Variants in MLLT1 observed in about 807,000 individuals in gnomAD.
MLLT1 encodes the protein MLLT1 super elongation complex subunit, also known as protein ENL.
In MLLT1, 11 loss-of-function variants were observed where a neutral mutation model predicts 55.1. The observed-to-expected ratio is 0.20, with a 90% CI of 0.13 to 0.33. MLLT1 has a LOEUF of 0.33. Ranked by LOEUF, MLLT1 falls within the 10% of genes least tolerant of loss-of-function variation. The pLI, the probability that MLLT1 is intolerant of heterozygous loss-of-function variation, is 1.00. For synonymous variants in MLLT1, 323 were observed against 320.1 expected (o/e 1.01, Z -0.10); for missense variants, 536 against 760.6 (o/e 0.70, Z 3.47).
At position 6,225,385 on chromosome 19, in the gene MLLT1, G is replaced by A. The variant is rs139498063; in HGVS notation, c.546+1592C>T. On this transcript the variant is annotated intron_variant, in intron 5 of 11. Coordinates refer to ENST00000252674, the MANE Select transcript of MLLT1 (RefSeq NM_005934.4). ...CCCCTCTGCTTGGAGCACATGGCCC[G>A]GCCACTCACTCTCCAGGCAGAGAGC... Among the ~76,000 whole-genome samples the A allele has an allele frequency of 4.1e-4, 63 of 152,268 alleles. 1 individual carries two copies. The East Asian group carries it at 0.011, about 27-fold the overall frequency.
In MLLT1 at chr19:6,270,637, C is replaced by T. The variant is rs763302357; in HGVS notation, c.135G>A (p.Gln45=). 3 of 1,614,176 alleles carry T rather than the reference C, an allele frequency of 1.9e-6. No homozygotes were observed. The highest frequency in any genetic ancestry group is 2.5e-6 in the Non-Finnish European group (3 of 1,180,028). Residue 45 remains glutamine (Q), a synonymous_variant, in exon 2 of 12, where the codon CAG becomes CAA. Transcript: ENST00000252674. This position sits in a 1 kb window ranked among gnomAD's most constrained non-coding sequence, Gnocchi z 7.1. ...AGAAGACCACCTTCTCCACGAAGTGCTGGATGTCACATTGCTCGGGGCCGC... is the reference window on the plus strand; with the variant it reads ...AGAAGACCACCTTCTCCACGAAGTGTTGGATGTCACATTGCTCGGGGCCGC... ...FVRGPEQCDI[Q]HFVEKVVFWL... is the part of the protein sequence containing the mutation.
rs2091048220 is a variant in MLLT1 at position 6,235,190 on chromosome 19, T to C, written c.277-4477A>G. Among the ~76,000 whole-genome samples, 1 of 152,198 alleles carries C rather than the reference T, an allele frequency of 6.6e-6. No homozygotes were observed. Among genetic ancestry groups the C allele is most frequent in the African/African-American group, 2.4e-5 (1 of 41,448 alleles). On this transcript the variant is annotated intron_variant, in intron 3 of 11. Transcript: ENST00000252674. This position sits in a 1 kb window ranked among gnomAD's most constrained non-coding sequence, Gnocchi z 5.5. Reference sequence around the variant, plus strand: ...GACGGCTACGAGGGGGTTTGTTGCATCTGCCTCTGTAAATGCTTCCAACTT... The same window carrying C: ...GACGGCTACGAGGGGGTTTGTTGCACCTGCCTCTGTAAATGCTTCCAACTT...
intron 2 of MLLT1, among the ~76,000 whole-genome samples, chr19:6,264,831 G>A (rs1450377132): frequency 1.4e-5 from 2 of 145,634 alleles, no homozygotes; most frequent in Non-Finnish European, 3.0e-5. Context: ...GGCGGTGGAG[G>A]TTGCAGTGAG....
intron 2 of MLLT1, among the ~76,000 whole-genome samples, chr19:6,268,706 C>T (rs926283139): frequency 2.0e-5 from 3 of 152,160 alleles, no homozygotes; most frequent in Non-Finnish European, 4.4e-5. Flanking sequence ...CCAGGCCCCA[C>T]AGACAGACAG....
chr19:6,222,825 A>G lies in MLLT1; in HGVS notation c.547-141T>C. 1 of 613,360 alleles carries G rather than the reference A, an allele frequency of 1.6e-6. No individual in the cohort carries two copies. 38.0% of individuals were successfully genotyped at this position (613,360 alleles called of 1,614,324 possible). ...AGCTAGAGAAACTCTTCCATAAAGCAAAAAGGTAAGGCAGTAGGTGAGAGT... is the reference window on the plus strand; with the variant it reads ...AGCTAGAGAAACTCTTCCATAAAGCGAAAAGGTAAGGCAGTAGGTGAGAGT... On this transcript the variant is annotated intron_variant, in intron 5 of 11. Transcript: ENST00000252674. This position sits in a 1 kb window ranked among gnomAD's most constrained non-coding sequence, Gnocchi z 4.1.
intron 7 of MLLT1, among the ~76,000 whole-genome samples, chr19:6,217,266 C>T (rs1366027382): frequency 6.6e-6 from 1 of 152,172 alleles, no homozygotes; most frequent in Admixed American, 6.5e-5. Context: ...CTCCCCCAGC[C>T]CCCCTGCAAA....
Position 6,230,799 on chromosome 19 carries a change from C to T in MLLT1, c.277-86G>A. On this transcript the variant is annotated intron_variant, in intron 3 of 11. Transcript: ENST00000252674. The surrounding 1 kb of genome is among the most constrained non-coding windows in gnomAD (Gnocchi z 9.0). The stretch of plus-strand genomic sequence containing the variant: ...TCCCCATTGGCCCTGGTCCTCCCCT[C>T]TCCCTCACTGGGCCTCTGTTCCCCT... The T allele has an allele frequency of 1.3e-6, 2 of 1,526,498 alleles. No individual in the cohort carries two copies. 94.6% of individuals were successfully genotyped at this position (1,526,498 alleles called of 1,614,324 possible).
rs979915586 is a variant in MLLT1 at position 6,256,614 on chromosome 19, C to T, written c.276+5614G>A. Among the ~76,000 whole-genome samples the T allele has an allele frequency of 3.3e-5, 5 of 151,786 alleles. No homozygotes were observed. Among genetic ancestry groups the T allele is most frequent in the East Asian group, 2.0e-4 (1 of 5,124 alleles). On this transcript the variant is annotated intron_variant, in intron 3 of 11. Transcript: ENST00000252674. This position sits in a 1 kb window ranked among gnomAD's most constrained non-coding sequence, Gnocchi z 4.1. Reference sequence around the variant, plus strand: ...CTACAAATACAAAAAATTAGCCAGGCGTGGTGGCGGGCACCTGTAGTCCCA... The same window carrying T: ...CTACAAATACAAAAAATTAGCCAGGTGTGGTGGCGGGCACCTGTAGTCCCA...
chr19:6,240,436 C>T lies in MLLT1; in HGVS notation c.277-9723G>A, dbSNP rs561804722. ...CAGCAGGTGACGCAGAGGGCGGGCT[C>T]CAAGCGGAGCTGGCACCCGGCGCAG... is the stretch of plus-strand genomic sequence containing the variant. On this transcript the variant is annotated intron_variant, in intron 3 of 11. Transcript: ENST00000252674. The surrounding 1 kb of genome is among the most constrained non-coding windows in gnomAD (Gnocchi z 4.7). Among the ~76,000 whole-genome samples the T allele has an allele frequency of 6.6e-6, 1 of 152,340 alleles. No homozygotes were observed. Among genetic ancestry groups the T allele is most frequent in the South Asian group, 2.1e-4 (1 of 4,826 alleles).
Position 6,211,476 on chromosome 19 carries a change from G to A in MLLT1, c.*1566C>T. On this transcript the variant is annotated 3_prime_UTR_variant, in exon 12 of 12. Coordinates refer to ENST00000252674, the MANE Select transcript of MLLT1 (RefSeq NM_005934.4). The surrounding 1 kb of genome is among the most constrained non-coding windows in gnomAD (Gnocchi z 4.6). ...AAGGAGTGTTCAGGATCTGCTGACAGAATCAGAGCAGGGACAAGATGAGGG... is the reference window on the plus strand; with the variant it reads ...AAGGAGTGTTCAGGATCTGCTGACAAAATCAGAGCAGGGACAAGATGAGGG... The A allele has an allele frequency of 2.2e-6, 1 of 446,988 alleles. No individual in the cohort carries two copies. Among genetic ancestry groups the A allele is most frequent in the Non-Finnish European group, 3.2e-6 (1 of 313,800 alleles). 27.7% of individuals were successfully genotyped at this position (446,988 alleles called of 1,614,324 possible). A position where few individuals can be genotyped will look rare whatever the true frequency, so the allele number is the denominator to read the frequency against.
Position 6,230,373 on chromosome 19 carries a change from G to A in MLLT1, c.420+197C>T, listed in dbSNP as rs887238399. On this transcript the variant is annotated intron_variant, in intron 4 of 11. Transcript: ENST00000252674. This position sits in a 1 kb window ranked among gnomAD's most constrained non-coding sequence, Gnocchi z 9.0. ...CCAGAAGCACAGGGTGACCAGCAAC[G>A]AGTCACCTGCAGCCACCACGCCCCG... is the stretch of plus-strand genomic sequence containing the variant. Among the ~76,000 whole-genome samples, 1 of 152,144 alleles carries A rather than the reference G, an allele frequency of 6.6e-6. No homozygotes were observed. Among genetic ancestry groups the A allele is most frequent in the South Asian group, 2.1e-4 (1 of 4,822 alleles).
At chr19:6,238,779 C>T (rs546995835) in intron 3 of MLLT1, among the ~76,000 whole-genome samples, 15 of 152,158 alleles carry the variant, frequency 9.9e-5, no homozygotes, top group East Asian at 1.9e-4. Flanking sequence ...GGGCCTTCTC[C>T]GGCCAGCAGC....
rs571089042 is a variant in MLLT1, at chr19:6,216,837, C to T, written c.1199-324G>A. The T allele has an allele frequency of 1.3e-5, 4 of 315,678 alleles. No homozygotes were observed. The East Asian group carries it at 3.1e-4, about 24-fold the overall frequency. 19.6% of individuals were successfully genotyped at this position (315,678 alleles called of 1,614,324 possible). A position where few individuals can be genotyped will look rare whatever the true frequency, so the allele number is the denominator to read the frequency against. ...AGGAGAACCCCTCCTCTGCTCGGGGCACAGAGATCAGAAGCTCTGCCGAGA... is the reference window on the plus strand; with the variant it reads ...AGGAGAACCCCTCCTCTGCTCGGGGTACAGAGATCAGAAGCTCTGCCGAGA... On this transcript the variant is annotated intron_variant, in intron 7 of 11. Transcript: ENST00000252674.
intron 3 of MLLT1, among the ~76,000 whole-genome samples, chr19:6,249,834 G>C (rs150230929): frequency 0.021 from 3,246 of 152,210 alleles, 115 homozygotes; most frequent in East Asian, 0.14. Context: ...ACCAGCCTGG[G>C]CAACATGGCA....
chr19:6,220,845 A>G (rs2090890498), intron 6 of MLLT1, among the ~76,000 whole-genome samples: 1 of 152,272 alleles, frequency 6.6e-6, no homozygotes, highest in South Asian at 2.1e-4. Flanking sequence ...AGGCCCTCCC[A>G]CAGCTGGGAG....
At chr19:6,246,082 A>G (rs1255878147) in intron 3 of MLLT1, among the ~76,000 whole-genome samples, 1 of 151,946 alleles carries the variant, frequency 6.6e-6, no homozygotes, top group Non-Finnish European at 1.5e-5. Flanking sequence ...CCACCTCAAA[A>G]AGAAAATAAA....
chr19:6,249,755 G>T (rs1273145270), intron 3 of MLLT1, among the ~76,000 whole-genome samples: 3 of 152,120 alleles, frequency 2.0e-5, no homozygotes, highest in Admixed American at 1.3e-4. Context: ...AAGCAAAGTG[G>T]CTCGCGCCTG....
intron 1 of MLLT1, among the ~76,000 whole-genome samples, chr19:6,272,590 C>T (rs2091404268): frequency 6.6e-6 from 1 of 152,250 alleles, no homozygotes; most frequent in Non-Finnish European, 1.5e-5. Context: ...ATCCCCCGCT[C>T]CTGGGTTGCT....
intron 5 of MLLT1, among the ~76,000 whole-genome samples, chr19:6,223,985 CT>C (rs2090930414): frequency 6.6e-6 from 1 of 152,288 alleles, no homozygotes; most frequent in Non-Finnish European, 1.5e-5. Flanking sequence ...TGGGGAGGGG[CT>C]CCGGGAGCAG....
Sources: allele counts gnomAD v4.1 joint callset (sites outside exome capture counted in the v4.1 genomes callset), GRCh38; gene constraint gnomAD v4.1.1; non-coding constraint Gnocchi (gnomAD v3.1); transcripts MANE v1.5; gene names NCBI Gene and HGNC (gene_info 2026-07-23, HGNC 2026-07-21).